The following RANBP9 variants were observed in gnomAD, a reference collection of about 807,000 sequenced individuals.
The protein encoded by RANBP9 is RAN binding protein 9.
A neutral mutation model predicts 84.3 loss-of-function variants in RANBP9; 15 were observed. The observed-to-expected ratio is 0.18, with a 90% CI of 0.12 to 0.27. The LOEUF is 0.27. RANBP9 is among the 10% of genes least tolerant of loss of function. The probability of loss-of-function intolerance (pLI) is 1.00; values close to 1 mark genes in which losing one functional copy is unlikely to be tolerated. For synonymous variants in RANBP9, 392 were observed against 349.6 expected (o/e 1.12, Z -1.35); for missense variants, 809 against 912.8 (o/e 0.89, Z 1.46).
At chr6:13,650,147 G>T (rs1463844044) in intron 5 of RANBP9, among the ~76,000 whole-genome samples, 1 of 147,508 alleles carries the variant, frequency 6.8e-6, no homozygotes, top group Non-Finnish European at 1.5e-5. Flanking sequence ...AGGGTTTTTT[G>T]TTGTTGTTGT....
chr6:13,691,275 A>C (rs1387800337), intron 2 of RANBP9, among the ~76,000 whole-genome samples: 1 of 152,176 alleles, frequency 6.6e-6, no homozygotes, highest in Non-Finnish European at 1.5e-5. Context: ...AGTCCTAATA[A>C]ATTTATTTAG....
At chr6:13,701,931 T>C (rs1168336948) in intron 1 of RANBP9, among the ~76,000 whole-genome samples, 1 of 152,190 alleles carries the variant, frequency 6.6e-6, no homozygotes, top group African/African-American at 2.4e-5. Context: ...AGACCAACCA[T>C]TCTGGACTCT....
At chr6:13,690,395 CCTAGAAGGAAAGATCCTT>C (rs1766296249) in intron 2 of RANBP9, among the ~76,000 whole-genome samples, 1 of 152,132 alleles carries the variant, frequency 6.6e-6, no homozygotes, top group South Asian at 2.1e-4. Context: ...ACGAATCAAA[CCTAGAAGGAAAGATCCTT>C]CTAGTTTTCA....
intron 1 of RANBP9, among the ~76,000 whole-genome samples, chr6:13,705,868 C>CAAAAAAAAAA (rs767070995): frequency 6.4e-4 from 49 of 76,726 alleles, no homozygotes; most frequent in African/African-American, 6.9e-4. Context: ...GACTCCGTCT[C>CAAAAAAAAAA]AAAAAAAAAA....
chr6:13,652,703 G>A, intron 4 of RANBP9, 22 bp from the exon 5 acceptor site: 1 of 1,583,940 alleles, frequency 6.3e-7, no homozygotes, highest in Non-Finnish European at 8.6e-7. Context: ...AAAAAAAGTG[G>A]CATTAGAAGC....
chr6:13,706,491 G>A (rs770704834), intron 1 of RANBP9, among the ~76,000 whole-genome samples: 88 of 149,586 alleles, frequency 5.9e-4, no homozygotes, highest in African/African-American at 1.7e-3. Flanking sequence ...TCAAGAGATC[G>A]AGACCATCCT....
At chr6:13,674,029 A>C (rs892459534) in intron 2 of RANBP9, among the ~76,000 whole-genome samples, 2 of 151,602 alleles carry the variant, frequency 1.3e-5, no homozygotes, top group African/African-American at 2.4e-5. Flanking sequence ...GGCTGCAGTG[A>C]GCTGAGATCC....
At chr6:13,679,257 C>G (rs951486812) in intron 2 of RANBP9, among the ~76,000 whole-genome samples, 1 of 152,176 alleles carries the variant, frequency 6.6e-6, no homozygotes, top group Non-Finnish European at 1.5e-5. Flanking sequence ...TCTCCCATTA[C>G]CTCTCGAAGA....
chr6:13,683,230 CT>C (rs1171946049), intron 2 of RANBP9, among the ~76,000 whole-genome samples: 1 of 152,174 alleles, frequency 6.6e-6, no homozygotes, highest in Non-Finnish European at 1.5e-5. Flanking sequence ...ATCATTTCTC[CT>C]TATCTTGGAA....
In RANBP9 at chr6:13,637,876, G is replaced by C; in HGVS notation, c.1605C>G (p.Ser535=). Residue 535 remains serine (S), a synonymous_variant, in exon 10 of 14, where the codon TCC becomes TCG. Transcript: ENST00000011619. ...TGTTTAGTTCTGGTACATTCAAGTTGGATGACTGGTGTTTATTACTATGGC... is the reference window on the plus strand; with the variant it reads ...TGTTTAGTTCTGGTACATTCAAGTTCGATGACTGGTGTTTATTACTATGGC... The part of the protein sequence containing the change: ...SYCHSNKHQS[S]NLNVPELNSI... 1 of 1,608,498 alleles carries C rather than the reference G, an allele frequency of 6.2e-7. No homozygotes were observed. The highest frequency in any genetic ancestry group is 8.5e-7 in the Non-Finnish European group (1 of 1,175,240).
rs752325921 is a variant in RANBP9, at chr6:13,639,801, TTTTA to T, written c.1335-52_1335-49del. The T allele has an allele frequency of 2.8e-6, 4 of 1,431,152 alleles. No individual in the cohort carries two copies. The South Asian group carries it at 4.9e-5, about 18-fold the overall frequency. 88.7% of individuals were successfully genotyped at this position (1,431,152 alleles called of 1,614,324 possible). On this transcript the variant is annotated intron_variant, in intron 8 of 13. Coordinates refer to ENST00000011619, the MANE Select transcript of RANBP9 (RefSeq NM_005493.3). ...ACTTAGACACAATCTTCAAATGGCC[TTTTA>T]TTTAATAGCAACAGATTTCTAAAAA... is the stretch of plus-strand genomic sequence containing the variant.
intron 12 of RANBP9, among the ~76,000 whole-genome samples, chr6:13,627,068 C>T (rs1764629058): frequency 6.6e-6 from 1 of 152,122 alleles, no homozygotes; most frequent in Non-Finnish European, 1.5e-5. Context: ...GTAGTTTTCT[C>T]CTCCAATTAC....
At chr6:13,658,855 A>G in intron 2 of RANBP9, 23 bp from the exon 3 acceptor site, 3 of 1,541,480 alleles carry the variant, frequency 1.9e-6, no homozygotes, top group Non-Finnish European at 2.7e-6. Context: ...GTTGGGGGAG[A>G]GAAGAAAAGG....
rs1764885590 is a variant in RANBP9, at chr6:13,634,512, C to T, written c.1714G>A (p.Val572Ile). 9 of 1,612,696 alleles carry T rather than the reference C, an allele frequency of 5.6e-6. No homozygotes were observed. The Admixed American group carries it at 1.2e-4, about 21-fold the overall frequency. ...AAACCATTGGATGAAGTTTCTCCAA[C>T]TCCATTGGAGTAGTGATCTGTTTCC... ...DMETDHYSNGVGETSSNGFLN... is the reference protein window; with the variant it reads ...DMETDHYSNGIGETSSNGFLN... The change falls in exon 11 of 14, where the codon GTT becomes ATT. Residue 572 changes from valine (V) to isoleucine (I), a missense_variant. Coordinates refer to ENST00000011619, the MANE Select transcript of RANBP9 (RefSeq NM_005493.3).
At chr6:13,686,010 T>C (rs550176310) in intron 2 of RANBP9, among the ~76,000 whole-genome samples, 13 of 150,728 alleles carry the variant, frequency 8.6e-5, no homozygotes, top group African/African-American at 3.2e-4. Flanking sequence ...GAAGTATTGA[T>C]AGCAATTAAT....
intron 1 of RANBP9, among the ~76,000 whole-genome samples, chr6:13,709,687 T>C (rs1758225236): frequency 6.6e-6 from 1 of 152,206 alleles, no homozygotes; most frequent in African/African-American, 2.4e-5. Context: ...AAAAGAATGT[T>C]CAACAAGGCC....
chr6:13,686,615 G>C lies in RANBP9; in HGVS notation c.683+10170C>G, dbSNP rs889696863. Among the ~76,000 whole-genome samples the C allele has an allele frequency of 4.6e-5, 7 of 152,118 alleles. No homozygotes were observed. The South Asian group carries it at 1.2e-3, about 27-fold the overall frequency. ...AACAGGGTCTCGCTTTGTTGCCCAAGCTGGTCTCGAACTACTGGGCTCAGG... is the reference window on the plus strand; with the variant it reads ...AACAGGGTCTCGCTTTGTTGCCCAACCTGGTCTCGAACTACTGGGCTCAGG... On this transcript the variant is annotated intron_variant, in intron 2 of 13. Transcript: ENST00000011619.
intron 8 of RANBP9, 50 bp downstream of exon 8, chr6:13,641,149 C>G (rs371001137): frequency 4.9e-5 from 56 of 1,146,918 alleles, no homozygotes; most frequent in Non-Finnish European, 6.3e-5. Context: ...CATAACTTGA[C>G]AAATATTTAT....
Position 13,634,557 on chromosome 6 carries a change from A to G in RANBP9, c.1674-5T>C, listed in dbSNP as rs754910770. On this transcript the variant is annotated splice_polypyrimidine_tract_variant and splice_region_variant and intron_variant, in intron 10 of 13. Transcript: ENST00000011619. ...GTTTCCATGTCTACATCATTACTGAAAACGAAAAAACAAACCTAATTTTAG... is the reference window on the plus strand; with the variant it reads ...GTTTCCATGTCTACATCATTACTGAGAACGAAAAAACAAACCTAATTTTAG... 6.3e-7 allele frequency: 1 copy of G among 1,589,918 alleles called. No individual in the cohort carries two copies. Among genetic ancestry groups the G allele is most frequent in the South Asian group, 1.1e-5 (1 of 88,442 alleles).
Sources: gnomAD v4.1 joint callset for allele counts (sites outside exome capture counted in the v4.1 genomes callset) on GRCh38, gnomAD v4.1.1 for gene constraint, MANE v1.5 for transcripts, NCBI Gene and HGNC (gene_info 2026-07-23, HGNC 2026-07-21) for gene names.